Variants in ANKRD11 observed in about 807,000 individuals in gnomAD.
ANKRD11 encodes ankyrin repeat domain-containing protein 11.
ANKRD11 carries 17 observed loss-of-function variants against 195.7 expected under a neutral mutation model. That is an observed-to-expected ratio of 0.09 (90% CI 0.06 to 0.13). The LOEUF is 0.13. ANKRD11 is among the 10% of genes least tolerant of loss of function. The pLI is 1.00. For missense variants in ANKRD11, 3,735 were observed against 3,566.1 expected, an observed-to-expected ratio of 1.05 and a Z score of -1.21; for synonymous variants, 1,953 against 1,528.1, an observed-to-expected ratio of 1.28 and a Z score of -6.49.
intron 1 of ANKRD11, among the ~76,000 whole-genome samples, chr16:89,448,163 T>TTGCAGACAGTGGGCACCC (rs1047468971): frequency 2.6e-4 from 39 of 151,954 alleles, no homozygotes; most frequent in Middle Eastern, 6.8e-3. Context: ...ACTGGGCACC[T>TTGCAGACAGTGGGCACCC]TGCAGACAGT....
intron 1 of ANKRD11, among the ~76,000 whole-genome samples, chr16:89,482,010 A>T (rs1256149351): frequency 6.6e-6 from 1 of 152,114 alleles, no homozygotes; most frequent in African/African-American, 2.4e-5. Flanking sequence ...TTTTCATAAG[A>T]ACCAATATTT....
intron 2 of ANKRD11, among the ~76,000 whole-genome samples, chr16:89,355,039 G>A (rs796979611): frequency 6.6e-5 from 10 of 152,164 alleles, no homozygotes; most frequent in Admixed American, 2.6e-4. Context: ...GGAAGGAAAC[G>A]CCAGAACAAC....
chr16:89,372,716 G>A (rs1360602061), intron 2 of ANKRD11: 1 of 152,146 alleles, frequency 6.6e-6, no homozygotes, highest in Non-Finnish European at 1.5e-5. Flanking sequence ...GCTAGTAAAC[G>A]CTGAGCCCGG....
rs945400694 is a variant in ANKRD11, at chr16:89,281,304, C to T, written c.5238G>A (p.Thr1746=). The T allele has an allele frequency of 9.3e-6, 15 of 1,613,946 alleles. No individual in the cohort carries two copies. The highest frequency in any genetic ancestry group is 8.9e-5 in the East Asian group (4 of 44,898). Residue 1746 remains threonine (T), a synonymous_variant, in exon 9 of 13, where the codon ACG becomes ACA. Coordinates refer to ENST00000301030, the MANE Select transcript of ANKRD11 (RefSeq NM_013275.6). This position sits in a 1 kb window ranked among gnomAD's most constrained non-coding sequence, Gnocchi z 5.5. ...VFDCADSQHS[T]PVPTAPTSAC... The stretch of plus-strand genomic sequence containing the variant: ...CGCTGGTGGGAGCGGTGGGCACGGG[C>T]GTGGAGTGCTGCGAGTCGGCGCAGT...
At chr16:89,467,732 C>T (rs544328817) in intron 1 of ANKRD11, among the ~76,000 whole-genome samples, 24 of 152,198 alleles carry the variant, frequency 1.6e-4, no homozygotes, top group Non-Finnish European at 2.2e-4. Context: ...ATCAAGATAC[C>T]GTAAGACATA....
At chr16:89,458,388 C>G (rs975699803) in intron 1 of ANKRD11, among the ~76,000 whole-genome samples, 1 of 152,096 alleles carries the variant, frequency 6.6e-6, no homozygotes, top group African/African-American at 2.4e-5. Context: ...CCACGCCCGG[C>G]TAATTTTTTG....
chr16:89,453,684 G>T (rs531260202), intron 1 of ANKRD11, among the ~76,000 whole-genome samples: 1 of 152,300 alleles, frequency 6.6e-6, no homozygotes, highest in South Asian at 2.1e-4. Flanking sequence ...TACAAGCACA[G>T]GACACTCAGG....
chr16:89,268,717 G>T, intron 12 of ANKRD11, 54 bp from the exon 13 acceptor site: 3 of 1,542,232 alleles, frequency 1.9e-6, no homozygotes, highest in East Asian at 2.4e-5. Context: ...GAGAGCCCCA[G>T]ACTCTGCCGA....
intron 4 of ANKRD11, chr16:89,300,009 T>TA (rs2035740652): frequency 5.8e-6 from 1 of 172,180 alleles, no homozygotes; most frequent in Non-Finnish European, 1.1e-5. Context: ...CTGTGTGGGG[T>TA]GCCTGCCCTG....
intron 2 of ANKRD11, among the ~76,000 whole-genome samples, chr16:89,393,851 G>A (rs547010058): frequency 6.6e-6 from 1 of 152,196 alleles, no homozygotes; most frequent in South Asian, 2.1e-4. Context: ...TCAGACAGTG[G>A]GAATAATCAT....
At chr16:89,339,402 A>G (rs969854422) in intron 2 of ANKRD11, among the ~76,000 whole-genome samples, 1 of 152,218 alleles carries the variant, frequency 6.6e-6, no homozygotes, top group African/African-American at 2.4e-5. Flanking sequence ...AAGAACTGGG[A>G]AAGCTGGTCG....
intron 2 of ANKRD11, among the ~76,000 whole-genome samples, chr16:89,338,178 G>A (rs1173488637): frequency 2.0e-5 from 3 of 152,108 alleles, no homozygotes; most frequent in Non-Finnish European, 4.4e-5. Flanking sequence ...GTGCTGCCCC[G>A]AGACGCACTC....
chr16:89,350,247 T>C (rs1236436965), intron 2 of ANKRD11, among the ~76,000 whole-genome samples: 1 of 152,002 alleles, frequency 6.6e-6, no homozygotes, highest in African/African-American at 2.4e-5. Flanking sequence ...CAAAACTGAG[T>C]GGTCACTTTG....
intron 2 of ANKRD11, among the ~76,000 whole-genome samples, chr16:89,399,379 C>T (rs1037887130): frequency 6.6e-6 from 1 of 152,172 alleles, no homozygotes; most frequent in African/African-American, 2.4e-5. Context: ...ACCATAGACG[C>T]ATGCTGCTGA....
intron 4 of ANKRD11, among the ~76,000 whole-genome samples, chr16:89,304,100 G>C (rs1200864704): frequency 2.0e-5 from 3 of 152,198 alleles, no homozygotes; most frequent in African/African-American, 4.8e-5. Flanking sequence ...ATGACCAGGA[G>C]GACAAGGAGG....
intron 3 of ANKRD11, among the ~76,000 whole-genome samples, chr16:89,307,223 C>A (rs2036337955): frequency 6.6e-6 from 1 of 152,228 alleles, no homozygotes; most frequent in African/African-American, 2.4e-5. Context: ...GAGGCCTCAG[C>A]TGCTCCAGGG....
chr16:89,317,839 C>T (rs773018589), intron 2 of ANKRD11, among the ~76,000 whole-genome samples: 1 of 152,130 alleles, frequency 6.6e-6, no homozygotes, highest in Non-Finnish European at 1.5e-5. Flanking sequence ...CTGCCCCTCT[C>T]TCAGGGCTGG....
intron 2 of ANKRD11, among the ~76,000 whole-genome samples, chr16:89,390,432 A>C (rs1462604952): frequency 1.3e-5 from 2 of 152,184 alleles, no homozygotes; most frequent in African/African-American, 4.8e-5. Flanking sequence ...GCAGGAGCCT[A>C]ACCAACGGTA....
intron 1 of ANKRD11, among the ~76,000 whole-genome samples, chr16:89,486,076 T>G (rs370225098): frequency 1.7e-4 from 26 of 152,330 alleles, no homozygotes; most frequent in East Asian, 9.6e-4. Flanking sequence ...TCTCCCTTTA[T>G]GTTTCTTTAT....
Sources: allele counts gnomAD v4.1 joint callset (sites outside exome capture counted in the v4.1 genomes callset), GRCh38; gene constraint gnomAD v4.1.1; non-coding constraint Gnocchi (gnomAD v3.1); transcripts MANE v1.5; gene names NCBI Gene and HGNC (gene_info 2026-07-23, HGNC 2026-07-21).